The following SV2B variants were observed in gnomAD, a reference collection of about 807,000 sequenced individuals.
SV2B encodes synaptic vesicle glycoprotein 2B, also known as solute carrier family 22 member B2.
A neutral mutation model predicts 73.9 loss-of-function variants in SV2B; 41 were observed. That is an observed-to-expected ratio of 0.56 (90% CI 0.43 to 0.72). The LOEUF (loss-of-function observed/expected upper bound fraction) is 0.72. SV2B is among the 30% of genes least tolerant of loss of function. SV2B has a pLI of 0.00. For synonymous variants in SV2B, 314 were observed against 314.2 expected, an observed-to-expected ratio of 1.00 and a Z score of 0.01; for missense variants, 764 against 857.8, an observed-to-expected ratio of 0.89 and a Z score of 1.37.
chr15:91,209,413 C>T (rs992393455), intron 1 of SV2B, among the ~76,000 whole-genome samples: 4 of 152,124 alleles, frequency 2.6e-5, no homozygotes, highest in Non-Finnish European at 5.9e-5. Context: ...TGAGCCACTG[C>T]GCCTGGCTGG....
chr15:91,155,207 G>T (rs2043446591), intron 1 of SV2B, among the ~76,000 whole-genome samples: 1 of 152,180 alleles, frequency 6.6e-6, no homozygotes, highest in Admixed American at 6.5e-5. Flanking sequence ...AAAGGGAAGG[G>T]CGTGGTTAAG....
Position 91,253,997 on chromosome 15 carries a change from T to C in SV2B, c.784+1477T>C, listed in dbSNP as rs1431568946. Among the ~76,000 whole-genome samples the C allele has an allele frequency of 6.6e-6, 1 of 152,224 alleles. No individual in the cohort carries two copies. Among genetic ancestry groups the C allele is most frequent in the Non-Finnish European group, 1.5e-5 (1 of 68,034 alleles). The stretch of plus-strand genomic sequence containing the variant: ...AAGAGTTTTCCAGCCAATTCTGTCA[T>C]TCTAGTTCTCCATAATTTTAGATAC... On this transcript the variant is annotated intron_variant, in intron 4 of 12. Coordinates refer to ENST00000394232, the MANE Select transcript of SV2B (RefSeq NM_001323032.3). This position sits in a 1 kb window ranked among gnomAD's most constrained non-coding sequence, Gnocchi z 5.0.
chr15:91,194,535 T>C (rs16945304), intron 1 of SV2B, among the ~76,000 whole-genome samples: 4,941 of 152,284 alleles, frequency 0.032, 255 homozygotes, highest in African/African-American at 0.11. Context: ...GTTTAGATTA[T>C]CTCGTCCTCT....
chr15:91,158,018 C>G (rs1259170905), intron 1 of SV2B, among the ~76,000 whole-genome samples: 2 of 152,176 alleles, frequency 1.3e-5, no homozygotes, highest in Non-Finnish European at 2.9e-5. Context: ...TTTGTTCTGA[C>G]CTCTGTATGT....
At chr15:91,131,772 G>C (rs554274816) in intron 1 of SV2B, among the ~76,000 whole-genome samples, 1 of 152,202 alleles carries the variant, frequency 6.6e-6, no homozygotes, top group Non-Finnish European at 1.5e-5. Flanking sequence ...AGACCAGCCT[G>C]GGCAGTACGG....
intron 7 of SV2B, 133 bp downstream of exon 7, chr15:91,266,825 G>T (rs1316394561): frequency 6.3e-6 from 4 of 639,754 alleles, no homozygotes; most frequent in African/African-American, 3.7e-5. Flanking sequence ...AACCCTGGAG[G>T]GGGGCGTTTG....
At position 91,302,227 on chromosome 15, in the gene SV2B, T is replaced by A. The variant is rs1325050642; in HGVS notation, c.*9675T>A. Reference sequence around the variant, plus strand: ...CATGAGTTGAATGGTGAGGAGCAAGTGAAGTGTCATATGTAAAAGAGTTAA... The same window carrying A: ...CATGAGTTGAATGGTGAGGAGCAAGAGAAGTGTCATATGTAAAAGAGTTAA... On this transcript the variant is annotated 3_prime_UTR_variant, in exon 13 of 13. Transcript: ENST00000394232. Among the ~76,000 whole-genome samples the A allele has an allele frequency of 6.6e-6, 1 of 152,114 alleles. No individual in the cohort carries two copies. Among genetic ancestry groups the A allele is most frequent in the Non-Finnish European group, 1.5e-5 (1 of 68,024 alleles).
intron 4 of SV2B, among the ~76,000 whole-genome samples, chr15:91,256,647 C>T (rs1362183924): frequency 1.3e-5 from 2 of 152,252 alleles, no homozygotes; most frequent in South Asian, 2.1e-4. Context: ...ACGAACAAAC[C>T]TCAGTGAGAT....
chr15:91,207,682 G>A (rs1360595054), intron 1 of SV2B, among the ~76,000 whole-genome samples: 3 of 152,188 alleles, frequency 2.0e-5, no homozygotes, highest in Non-Finnish European at 4.4e-5. Context: ...TTTAACGTAA[G>A]TTTTATGTGA....
chr15:91,148,826 A>T (rs924290650), intron 1 of SV2B, among the ~76,000 whole-genome samples: 2 of 152,096 alleles, frequency 1.3e-5, no homozygotes, highest in Non-Finnish European at 1.5e-5. Context: ...AGGCAGAGAG[A>T]ATTCTTTCTT....
At chr15:91,175,844 T>A (rs1197499071) in intron 1 of SV2B, among the ~76,000 whole-genome samples, 1 of 151,602 alleles carries the variant, frequency 6.6e-6, no homozygotes, top group Non-Finnish European at 1.5e-5. Context: ...ATTTTCTTTT[T>A]TTTTGTTCCC....
In SV2B at chr15:91,270,951, AGGACGGTGAGTCCTGTGGATGATGGGC is replaced by A. The variant is rs1567418032; in HGVS notation, c.1373+2373_1373+2399del. 6.0e-4 allele frequency among the ~76,000 whole-genome samples: 68 copies of A among 114,246 alleles called. 2 individuals are homozygous for A. Among genetic ancestry groups the A allele is most frequent in the African/African-American group, 1.1e-3 (32 of 28,112 alleles). The allele number at this position is 114,246 out of a possible 152,430, so 74.9% of individuals were successfully genotyped here. On this transcript the variant is annotated intron_variant, in intron 9 of 12. Transcript: ENST00000394232. The stretch of plus-strand genomic sequence containing the variant: ...GACGGTGAGTCCTGTGGACGATGGG[AGGACGGTGAGTCCTGTGGATGATGGGC>A]GGACGGTGAGTCCTGTGGATGATGG...
At chr15:91,263,038 C>T (rs1366002111) in intron 6 of SV2B, among the ~76,000 whole-genome samples, 1 of 152,174 alleles carries the variant, frequency 6.6e-6, no homozygotes, top group Non-Finnish European at 1.5e-5. Flanking sequence ...TTGGTTTTTG[C>T]ACTACATCAA....
intron 1 of SV2B, among the ~76,000 whole-genome samples, chr15:91,164,443 C>T (rs1000842561): frequency 6.6e-6 from 1 of 152,182 alleles, no homozygotes; most frequent in Non-Finnish European, 1.5e-5. Flanking sequence ...AATACTGTGT[C>T]AAATCCTTCT....
In SV2B at chr15:91,253,174, C is replaced by A. The variant is rs931419168; in HGVS notation, c.784+654C>A. Among the ~76,000 whole-genome samples, 5 of 152,198 alleles carry A rather than the reference C, an allele frequency of 3.3e-5. No individual in the cohort carries two copies. Among genetic ancestry groups the A allele is most frequent in the African/African-American group, 1.2e-4 (5 of 41,456 alleles). ...CTTTTACTACTGGTTTCGTCAAGAGCAAAGTAGGGAGAAGGCAGCAATTTT... is the reference window on the plus strand; with the variant it reads ...CTTTTACTACTGGTTTCGTCAAGAGAAAAGTAGGGAGAAGGCAGCAATTTT... On this transcript the variant is annotated intron_variant, in intron 4 of 12. Coordinates refer to ENST00000394232, the MANE Select transcript of SV2B (RefSeq NM_001323032.3). The surrounding 1 kb of genome is among the most constrained non-coding windows in gnomAD (Gnocchi z 5.0).
intron 1 of SV2B, among the ~76,000 whole-genome samples, chr15:91,120,420 C>A (rs1248917491): frequency 6.6e-6 from 1 of 152,184 alleles, no homozygotes; most frequent in Non-Finnish European, 1.5e-5. Context: ...CCAGGTCTCT[C>A]CCCCAATATT....
chr15:91,225,934 TC>T lies in SV2B; in HGVS notation c.-327del. On this transcript the variant is annotated 5_prime_UTR_variant, in exon 2 of 13. Transcript: ENST00000394232. The stretch of plus-strand genomic sequence containing the variant: ...ACGCAGTCTGCCAAGTCCTGCTCGC[TC>T]CCTGTCAAGAAAAACAGCTGGATCC... 1 of 344,060 alleles carries T rather than the reference TC, an allele frequency of 2.9e-6. No individual in the cohort carries two copies. The highest frequency in any genetic ancestry group is 5.3e-6 in the Non-Finnish European group (1 of 187,194). The allele number at this position is 344,060 out of a possible 1,614,324, so 21.3% of individuals were successfully genotyped here. A position where few individuals can be genotyped will look rare whatever the true frequency, so the allele number is the denominator to read the frequency against.
chr15:91,125,535 G>T (rs1024337336), intron 1 of SV2B, among the ~76,000 whole-genome samples: 65 of 152,034 alleles, frequency 4.3e-4, no homozygotes, highest in African/African-American at 1.5e-3. Context: ...ACTTTGGGAG[G>T]CTGAGGCAGG....
rs1391289025 is a variant in SV2B at position 91,261,086 on chromosome 15, C to A, written c.1008+677C>A. ...GACCAGCCTGGCCAACATGGCAAAACCCCATGTCTACTAAAAATACAAAAA... is the reference window on the plus strand; with the variant it reads ...GACCAGCCTGGCCAACATGGCAAAAACCCATGTCTACTAAAAATACAAAAA... On this transcript the variant is annotated intron_variant, in intron 6 of 12. Coordinates refer to ENST00000394232, the MANE Select transcript of SV2B (RefSeq NM_001323032.3). The surrounding 1 kb of genome is among the most constrained non-coding windows in gnomAD (Gnocchi z 4.7). Among the ~76,000 whole-genome samples, 2 of 152,214 alleles carry A rather than the reference C, an allele frequency of 1.3e-5. No homozygotes were observed. The highest frequency in any genetic ancestry group is 2.1e-4 in the South Asian group (1 of 4,820).
Sources: gnomAD v4.1 joint callset for allele counts (sites outside exome capture counted in the v4.1 genomes callset) on GRCh38, gnomAD v4.1.1 for gene constraint, Gnocchi (gnomAD v3.1) non-coding constraint, MANE v1.5 for transcripts, NCBI Gene and HGNC (gene_info 2026-07-23, HGNC 2026-07-21) for gene names.